AGK: variants seen among roughly 807,000 people sequenced by gnomAD.
AGK encodes acylglycerol kinase.
AGK carries 52 observed loss-of-function variants against 66.4 expected under a neutral mutation model. That is an observed-to-expected ratio of 0.78 (90% CI 0.63 to 0.99). AGK has a LOEUF of 0.99. Ranked by LOEUF, AGK falls within the 50% of genes least tolerant of loss-of-function variation. The pLI is 0.00. For synonymous variants in AGK, 182 were observed against 181.1 expected (o/e 1.00, Z -0.04); for missense variants, 451 against 506.6 (o/e 0.89, Z 1.05).
At chr7:141,627,133 C>G (rs2116985276) in intron 9 of AGK, among the ~76,000 whole-genome samples, 1 of 152,286 alleles carries the variant, frequency 6.6e-6, no homozygotes, top group South Asian at 2.1e-4. Flanking sequence ...TGGTTTGACA[C>G]TTTTCCAAAA....
intron 9 of AGK, among the ~76,000 whole-genome samples, chr7:141,632,014 AG>A (rs1797066903): frequency 1.3e-5 from 2 of 152,100 alleles, no homozygotes; most frequent in Non-Finnish European, 2.9e-5. Flanking sequence ...GGATCATCTG[AG>A]GTCAGCAGTT....
intron 2 of AGK, among the ~76,000 whole-genome samples, chr7:141,558,294 A>G (rs1409388672): frequency 6.6e-6 from 1 of 151,054 alleles, no homozygotes; most frequent in Non-Finnish European, 1.5e-5. Context: ...AGCAGCTGGG[A>G]CTACAGGCGC....
Position 141,555,694 on chromosome 7 carries a change from G to T in AGK, c.101+127G>T. 1 of 609,408 alleles carries T rather than the reference G, an allele frequency of 1.6e-6. No homozygotes were observed. 37.8% of individuals were successfully genotyped at this position (609,408 alleles called of 1,614,324 possible). ...CATGTGGTGTAAAAGAAAAATAAAT[G>T]CTATTCAAAGCAAAAACAAAGACTT... is the stretch of plus-strand genomic sequence containing the variant. On this transcript the variant is annotated intron_variant, in intron 2 of 15. Coordinates refer to ENST00000649286, the MANE Select transcript of AGK (RefSeq NM_018238.4). The surrounding 1 kb of genome is among the most constrained non-coding windows in gnomAD (Gnocchi z 4.2).
rs531853484 is a variant in AGK at position 141,596,444 on chromosome 7, T to C, written c.142-118T>C. The C allele has an allele frequency of 6.5e-6, 5 of 771,866 alleles. No homozygotes were observed. The East Asian group carries it at 1.3e-4, about 20-fold the overall frequency. The allele number at this position is 771,866 out of a possible 1,614,324, so 47.8% of individuals were successfully genotyped here. The stretch of plus-strand genomic sequence containing the variant: ...ATATGAGATCATGAAAGAATATTTT[T>C]CCCCAAGGGTAGATACCTTATGTGC... On this transcript the variant is annotated intron_variant, in intron 3 of 15. Transcript: ENST00000649286.
intron 3 of AGK, among the ~76,000 whole-genome samples, chr7:141,594,498 TTC>T (rs1796188981): frequency 6.6e-6 from 1 of 152,044 alleles, no homozygotes; most frequent in African/African-American, 2.4e-5. Context: ...GCCCCTTTCT[TTC>T]TCTCTTTAAG....
Position 141,555,434 on chromosome 7 carries a change from TCCGC to T in AGK, c.-14-17_-14-14del. 6.5e-7 allele frequency: 1 copy of T among 1,539,440 alleles called. No homozygotes were observed. The highest frequency in any genetic ancestry group is 1.7e-5 in the Admixed American group (1 of 58,288). ...TGGATAAATTATATTTTTTTCTCTTTCCGCCTCTACTAACCTAGCAAATCTCTAG... is the reference window on the plus strand; with the variant it reads ...TGGATAAATTATATTTTTTTCTCTTTCTCTACTAACCTAGCAAATCTCTAG... On this transcript the variant is annotated splice_polypyrimidine_tract_variant and intron_variant, in intron 1 of 15. Transcript: ENST00000649286. The surrounding 1 kb of genome is among the most constrained non-coding windows in gnomAD (Gnocchi z 4.2).
chr7:141,595,155 T>G (rs1184512222), intron 3 of AGK, among the ~76,000 whole-genome samples: 1 of 152,162 alleles, frequency 6.6e-6, no homozygotes, highest in Non-Finnish European at 1.5e-5. Context: ...ACTCCTTAGC[T>G]CACTGTGAAT....
chr7:141,565,902 A>G (rs902500777), intron 2 of AGK, among the ~76,000 whole-genome samples: 1 of 152,224 alleles, frequency 6.6e-6, no homozygotes, highest in Non-Finnish European at 1.5e-5. Flanking sequence ...TTGCTAGAGT[A>G]ATCCTTTGTA....
At chr7:141,601,129 A>G (rs906034901) in intron 4 of AGK, 76 bp from the exon 5 acceptor site, 1 of 1,097,300 alleles carries the variant, frequency 9.1e-7, no homozygotes, top group Non-Finnish European at 1.4e-6. Context: ...TCTGCCCTGA[A>G]GAAGATTGTA....
chr7:141,616,274 T>C (rs913268924), intron 8 of AGK: 1 of 152,210 alleles, frequency 6.6e-6, no homozygotes, highest in African/African-American at 2.4e-5. Flanking sequence ...AAGACCCAAA[T>C]AAATGGAGAG....
intron 5 of AGK, 70 bp from the exon 6 acceptor site, chr7:141,611,125 C>A: frequency 2.1e-6 from 2 of 935,502 alleles, no homozygotes; most frequent in Non-Finnish European, 3.3e-6. Context: ...GAAGATATCC[C>A]ACATTTTTAA....
chr7:141,575,983 A>G (rs531787881), intron 2 of AGK, among the ~76,000 whole-genome samples: 1 of 152,240 alleles, frequency 6.6e-6, no homozygotes, highest in East Asian at 1.9e-4. Context: ...TGAATTAAAC[A>G]ATGAACTTGC....
intron 5 of AGK, 41 bp downstream of exon 5, chr7:141,601,321 G>A (rs1282897777): frequency 2.0e-6 from 3 of 1,514,436 alleles, no homozygotes; most frequent in African/African-American, 2.8e-5. Context: ...CCAAGCAGCT[G>A]CCTCTTATAA....
At chr7:141,562,643 T>G (rs936183645) in intron 2 of AGK, among the ~76,000 whole-genome samples, 3 of 152,192 alleles carry the variant, frequency 2.0e-5, no homozygotes, top group Admixed American at 2.0e-4. Context: ...GGATAACTGA[T>G]AGTGAAAGGC....
chr7:141,609,647 T>C (rs1587124023), intron 5 of AGK, among the ~76,000 whole-genome samples: 1 of 152,164 alleles, frequency 6.6e-6, no homozygotes, highest in East Asian at 1.9e-4. Context: ...CATGATCAAT[T>C]AAATCATTGG....
intron 9 of AGK, among the ~76,000 whole-genome samples, chr7:141,623,379 CAAAAAAAAAAAAAGAAAAAAAAAAGAAA>C (rs1796866347): frequency 1.8e-5 from 1 of 54,220 alleles, no homozygotes; most frequent in African/African-American, 5.1e-5. Flanking sequence ...AACTTTTTCT[CAAAAAAAAAAAAAGAAAAAAAAAAGAAA>C]GAAAAAAAAA....
chr7:141,588,637 A>G (rs1158034402), intron 2 of AGK, among the ~76,000 whole-genome samples: 2 of 151,908 alleles, frequency 1.3e-5, no homozygotes, highest in African/African-American at 4.8e-5. Flanking sequence ...AAAAGAAAGT[A>G]AAAGATTAAA....
chr7:141,560,795 CTT>C (rs71172604), intron 2 of AGK, among the ~76,000 whole-genome samples: 8 of 124,002 alleles, frequency 6.5e-5, no homozygotes, highest in Admixed American at 1.8e-4. Flanking sequence ...GCCATTCTTT[CTT>C]TTTTTTTTTT....
chr7:141,637,001 T>G lies in AGK; in HGVS notation c.710T>G (p.Phe237Cys), dbSNP rs2117004934. 6 of 1,612,824 alleles carry G rather than the reference T, an allele frequency of 3.7e-6. No individual in the cohort carries two copies. The South Asian group carries it at 4.4e-5, about 12-fold the overall frequency. Residue 237 changes from phenylalanine to cysteine, a missense_variant, in exon 11 of 16, where the codon TTT becomes TGT. Coordinates refer to ENST00000649286, the MANE Select transcript of AGK (RefSeq NM_018238.4). The stretch of plus-strand genomic sequence containing the variant: ...CCTCTAAAAATCAAAGCAGCCCACT[T>G]TTTCAGCACTCTTAAGGTAAATGTG... ...LGPLKIKAAHFFSTLKEWPQT... is the reference protein window; with the variant it reads ...LGPLKIKAAHCFSTLKEWPQT...
Sources: gnomAD v4.1 joint callset for allele counts (sites outside exome capture counted in the v4.1 genomes callset) on GRCh38, gnomAD v4.1.1 for gene constraint, Gnocchi (gnomAD v3.1) non-coding constraint, MANE v1.5 for transcripts, NCBI Gene and HGNC (gene_info 2026-07-23, HGNC 2026-07-21) for gene names.